Variants in WDFY4 observed in about 807,000 individuals in gnomAD.
The protein encoded by WDFY4 is WDFY family member 4, also known as WD repeat- and FYVE domain-containing protein 4.
Under a neutral mutation model 351.9 loss-of-function variants are expected in WDFY4, and 169 were observed. The observed-to-expected ratio is 0.48, with a 90% CI of 0.42 to 0.55. The LOEUF (loss-of-function observed/expected upper bound fraction) is 0.55, where lower values mean the gene tolerates loss of function less well. WDFY4 is among the 20% of genes least tolerant of loss of function. The pLI, the probability that WDFY4 is intolerant of heterozygous loss-of-function variation, is 0.00. For missense variants in WDFY4, 3,803 were observed against 3,935.6 expected (o/e 0.97, Z 0.90); for synonymous variants, 1,622 against 1,574.6 (o/e 1.03, Z -0.71).
intron 25 of WDFY4, chr10:48,804,594 G>T (rs11101506): frequency 0.055 from 12,325 of 223,400 alleles, 726 homozygotes; most frequent in African/African-American, 0.15. Flanking sequence ...ACAGTTCAAA[G>T]TGAGGAATCT....
chr10:48,788,937 A>G (rs992051747), intron 21 of WDFY4, among the ~76,000 whole-genome samples: 16 of 152,248 alleles, frequency 1.1e-4, no homozygotes, highest in African/African-American at 3.6e-4. Context: ...TATTTTAAAT[A>G]CCTTTGCAAC....
chr10:48,751,646 A>G (rs2065185710), intron 12 of WDFY4, among the ~76,000 whole-genome samples: 1 of 152,242 alleles, frequency 6.6e-6, no homozygotes, highest in Admixed American at 6.5e-5. Flanking sequence ...CATGGACTGC[A>G]CAAATGAGGC....
chr10:48,964,094 A>G (rs1023145938), intron 54 of WDFY4, 40 bp downstream of exon 54: 1 of 1,539,480 alleles, frequency 6.5e-7, no homozygotes, highest in Non-Finnish European at 8.8e-7. Flanking sequence ...TTCTCAAAAG[A>G]GTGTGTGCAG....
intron 24 of WDFY4, chr10:48,801,571 C>G: frequency 2.2e-6 from 1 of 454,112 alleles, no homozygotes. Context: ...TCAATACCAG[C>G]TGTCCCAAAT....
intron 2 of WDFY4, among the ~76,000 whole-genome samples, chr10:48,711,615 G>GT (rs1213157972): frequency 6.6e-6 from 1 of 152,122 alleles, no homozygotes; most frequent in Non-Finnish European, 1.5e-5. Context: ...CCTCCCTGAT[G>GT]TTTATTTGAG....
rs894570331 is a variant in WDFY4, at chr10:48,817,168, T to C, written c.5341-77T>C. Reference sequence around the variant, plus strand: ...AAGTCTCAGGAAGGAATCTTCTCCCTAGACCTCAGCTCCTCTGGTTAGGGA... The same window carrying C: ...AAGTCTCAGGAAGGAATCTTCTCCCCAGACCTCAGCTCCTCTGGTTAGGGA... On this transcript the variant is annotated intron_variant, in intron 31 of 61. Transcript: ENST00000325239. The C allele has an allele frequency of 9.4e-6, 14 of 1,492,932 alleles. No homozygotes were observed. The African/African-American group carries it at 1.9e-4, about 21-fold the overall frequency. 92.5% of individuals were successfully genotyped at this position (1,492,932 alleles called of 1,614,324 possible).
At chr10:48,713,641 G>T (rs1487603836) in intron 2 of WDFY4, among the ~76,000 whole-genome samples, 1 of 152,190 alleles carries the variant, frequency 6.6e-6, no homozygotes, top group Admixed American at 6.5e-5. Context: ...TCCCTGAGGG[G>T]AGGAGTGAGA....
chr10:48,945,676 G>A (rs1398315743), intron 49 of WDFY4, among the ~76,000 whole-genome samples: 1 of 152,206 alleles, frequency 6.6e-6, no homozygotes, highest in African/African-American at 2.4e-5. Flanking sequence ...TTGATTCTAA[G>A]CAAGGACCCT....
intron 43 of WDFY4, among the ~76,000 whole-genome samples, chr10:48,880,346 A>G (rs1386277376): frequency 6.6e-6 from 1 of 151,962 alleles, no homozygotes; most frequent in African/African-American, 2.4e-5. Context: ...TTGCTGGGGG[A>G]GCGGCAAGAG....
chr10:48,962,375 C>G (rs1391216729), intron 53 of WDFY4, among the ~76,000 whole-genome samples: 1 of 152,176 alleles, frequency 6.6e-6, no homozygotes, highest in East Asian at 1.9e-4. Flanking sequence ...TGTAGGGCAG[C>G]TTGTCCTCCC....
Position 48,822,511 on chromosome 10 carries a change from C to A in WDFY4, c.5956C>A (p.Leu1986Ile), listed in dbSNP as rs769841732. 10 of 1,547,536 alleles carry A rather than the reference C, an allele frequency of 6.5e-6. No homozygotes were observed. The South Asian group carries it at 1.2e-4, about 19-fold the overall frequency. The change falls in exon 35 of 62, where the codon CTC becomes ATC. Residue 1986 changes from leucine to isoleucine, a missense_variant. Transcript: ENST00000325239. ...CTCGGCAGACCCCAGGCATATCCTC[C>A]TCTTCATCCTGGAGCACATCATGGT... Reference protein sequence around the residue: ...MFSADPRHILLFILEHIMVVI... With the variant: ...MFSADPRHILIFILEHIMVVI...
Position 48,830,841 on chromosome 10 carries a change from C to A in WDFY4, c.6482C>A (p.Pro2161Gln), listed in dbSNP as rs1408658365. ...EREVKIEEVT[P>Q]LWEETMLKAW... ...GAAGTGAAGATTGAAGAGGTCACAC[C>A]GCTCTGGGAGGAGACGATGCTCAAG... Residue 2161 changes from proline (P) to glutamine (Q), a missense_variant, in exon 38 of 62, where the codon CCG (proline) becomes CAG (glutamine). Coordinates refer to ENST00000325239, the MANE Select transcript of WDFY4 (RefSeq NM_001394531.1). 6.4e-7 allele frequency: 1 copy of A among 1,551,572 alleles called. No individual in the cohort carries two copies. The highest frequency in any genetic ancestry group is 2.0e-5 in the Admixed American group (1 of 50,998).
intron 20 of WDFY4, among the ~76,000 whole-genome samples, chr10:48,787,878 CTTT>C (rs1565198115): frequency 5.5e-5 from 5 of 90,820 alleles, no homozygotes; most frequent in African/African-American, 2.6e-4. Flanking sequence ...TTTCTTCTTT[CTTT>C]CTTCTTCTTC....
intron 11 of WDFY4, among the ~76,000 whole-genome samples, chr10:48,739,680 C>T (rs1183304857): frequency 1.3e-5 from 2 of 152,148 alleles, no homozygotes; most frequent in African/African-American, 4.8e-5. Flanking sequence ...AGATTACCCC[C>T]ATTTTAGATA....
chr10:48,834,485 C>G (rs1194691431), intron 39 of WDFY4, among the ~76,000 whole-genome samples: 1 of 152,212 alleles, frequency 6.6e-6, no homozygotes, highest in Non-Finnish European at 1.5e-5. Context: ...AGACTGTTTA[C>G]AAATTCCATT....
intron 1 of WDFY4, among the ~76,000 whole-genome samples, chr10:48,699,229 T>C (rs1315452382): frequency 6.6e-6 from 1 of 152,110 alleles, no homozygotes; most frequent in Non-Finnish European, 1.5e-5. Context: ...GGCCTGGCCA[T>C]AGCCACTCTG....
chr10:48,750,698 A>G (rs1159886895), intron 12 of WDFY4, among the ~76,000 whole-genome samples: 2 of 152,388 alleles, frequency 1.3e-5, no homozygotes, highest in East Asian at 3.9e-4. Context: ...CATATCTGAA[A>G]CCAGGATATG....
chr10:48,946,991 T>TACACACACACACACACACACAC lies in WDFY4; in HGVS notation c.7977+30_7977+51dup, dbSNP rs57927796. On this transcript the variant is annotated intron_variant, in intron 51 of 61. Coordinates refer to ENST00000325239, the MANE Select transcript of WDFY4 (RefSeq NM_001394531.1). ...GCAGGTGAGCTGCTGCCACTCTCTG[T>TACACACACACACACACACACAC]ACACACACACACACACACACACACA... The TACACACACACACACACACACAC allele has an allele frequency of 1.7e-5, 19 of 1,100,396 alleles. No homozygotes were observed. In the African/African-American group the frequency reaches 2.9e-4, roughly 17 times the overall value. 68.2% of individuals were successfully genotyped at this position (1,100,396 alleles called of 1,614,324 possible).
chr10:48,853,227 G>A (rs561272501), intron 39 of WDFY4, among the ~76,000 whole-genome samples: 64 of 152,192 alleles, frequency 4.2e-4, no homozygotes, highest in East Asian at 1.5e-3. Flanking sequence ...TCTGTCGCCT[G>A]GTTGCTAATG....
Sources: gnomAD v4.1 joint callset for allele counts (sites outside exome capture counted in the v4.1 genomes callset) on GRCh38, gnomAD v4.1.1 for gene constraint, MANE v1.5 for transcripts, NCBI Gene and HGNC (gene_info 2026-07-23, HGNC 2026-07-21) for gene names.